The following GRIP1 variants were observed in gnomAD, a reference collection of about 807,000 sequenced individuals.
GRIP1 encodes the protein glutamate receptor-interacting protein 1.
In GRIP1, 45 loss-of-function variants were observed where a neutral mutation model predicts 129.9. The observed-to-expected ratio is 0.35, with a 90% CI of 0.27 to 0.44. The LOEUF (loss-of-function observed/expected upper bound fraction) is 0.44, where lower values mean the gene tolerates loss of function less well. Ranked by LOEUF, GRIP1 falls within the 20% of genes least tolerant of loss-of-function variation. The probability of loss-of-function intolerance (pLI) is 1.00; values close to 1 mark genes in which losing one functional copy is unlikely to be tolerated. For synonymous variants in GRIP1, 530 were observed against 520.8 expected (o/e 1.02, Z -0.24); for missense variants, 1,196 against 1,396.8 (o/e 0.86, Z 2.29).
chr12:66,572,187 C>A (rs1177192188), intron 2 of GRIP1, among the ~76,000 whole-genome samples: 1 of 152,166 alleles, frequency 6.6e-6, no homozygotes, highest in African/African-American at 2.4e-5. Flanking sequence ...GTGAATCAAA[C>A]AGGTAAAAAC....
At chr12:66,873,792 G>T (rs1044630090) in intron 1 of GRIP1, among the ~76,000 whole-genome samples, 3 of 151,952 alleles carry the variant, frequency 2.0e-5, no homozygotes, top group Non-Finnish European at 2.9e-5. Context: ...TTGATAAAAG[G>T]ATTTTTATCA....
intron 15 of GRIP1, among the ~76,000 whole-genome samples, chr12:66,414,534 G>C (rs2057516530): frequency 6.6e-6 from 1 of 152,026 alleles, no homozygotes; most frequent in African/African-American, 2.4e-5. Flanking sequence ...GTAATTTATA[G>C]ATTCAATACC....
In GRIP1 at chr12:66,612,847, T is replaced by C. The variant is rs547456535; in HGVS notation, c.56-15920A>G. ...GGACCCCTAGGGAATTTGATAAACA[T>C]TAATCGATCAAACAAAATTTTGTAG... On this transcript the variant is annotated intron_variant, in intron 1 of 24. Coordinates refer to ENST00000359742, the MANE Select transcript of GRIP1 (RefSeq NM_001366722.1). 5.3e-5 allele frequency among the ~76,000 whole-genome samples: 8 copies of C among 152,202 alleles called. No homozygotes were observed. In the East Asian group the frequency reaches 1.6e-3, roughly 29 times the overall value.
At chr12:66,462,021 C>T (rs1361983293) in intron 9 of GRIP1, among the ~76,000 whole-genome samples, 1 of 152,094 alleles carries the variant, frequency 6.6e-6, no homozygotes, top group Non-Finnish European at 1.5e-5. Flanking sequence ...GCTCAAAGAC[C>T]CCTTTCTCAT....
chr12:66,714,275 A>T (rs992680757), intron 1 of GRIP1, among the ~76,000 whole-genome samples: 1 of 152,074 alleles, frequency 6.6e-6, no homozygotes, highest in African/African-American at 2.4e-5. Flanking sequence ...GATATATTTG[A>T]AGTAAAAATT....
At chr12:66,592,056 A>G (rs902355173) in intron 2 of GRIP1, among the ~76,000 whole-genome samples, 7 of 152,224 alleles carry the variant, frequency 4.6e-5, no homozygotes, top group African/African-American at 1.7e-4. Flanking sequence ...TTCTGTAATA[A>G]TAAAAAATTA....
chr12:66,412,944 C>G (rs1159246000), intron 15 of GRIP1, among the ~76,000 whole-genome samples: 1 of 152,098 alleles, frequency 6.6e-6, no homozygotes, highest in Non-Finnish European at 1.5e-5. Context: ...TACAGGAGCA[C>G]CCAGATTCAT....
intron 1 of GRIP1, among the ~76,000 whole-genome samples, chr12:66,819,092 C>G (rs1436806981): frequency 6.6e-6 from 1 of 152,140 alleles, no homozygotes; most frequent in African/African-American, 2.4e-5. Context: ...TCCCAGTATT[C>G]CCAAATGGAC....
At chr12:67,064,459 G>A (rs1397324454) in intron 1 of GRIP1, among the ~76,000 whole-genome samples, 1 of 152,112 alleles carries the variant, frequency 6.6e-6, no homozygotes, top group African/African-American at 2.4e-5. Flanking sequence ...CATCTGACAG[G>A]GTGACGAATA....
intron 5 of GRIP1, among the ~76,000 whole-genome samples, chr12:66,528,997 A>G (rs369559324): frequency 2.0e-4 from 31 of 152,298 alleles, no homozygotes; most frequent in East Asian, 9.6e-4. Context: ...TGAATAGACA[A>G]TTCTCAAAAG....
At chr12:66,865,172 G>T (rs547355579) in intron 1 of GRIP1, among the ~76,000 whole-genome samples, 1 of 152,162 alleles carries the variant, frequency 6.6e-6, no homozygotes, top group African/African-American at 2.4e-5. Context: ...AAGGAAGCAC[G>T]GCAAGAAGAC....
chr12:66,375,814 T>C lies in GRIP1; in HGVS notation c.2778+1203A>G, dbSNP rs1190411391. ...TACATCATTTTCTTTTTGCCTAATG[T>C]AAAATAAGCTGTTAGAAAAACAACT... On this transcript the variant is annotated intron_variant, in intron 22 of 24. Coordinates refer to ENST00000359742, the MANE Select transcript of GRIP1 (RefSeq NM_001366722.1). Among the ~76,000 whole-genome samples the C allele has an allele frequency of 3.9e-5, 6 of 152,212 alleles. No homozygotes were observed. The East Asian group carries it at 1.2e-3, about 29-fold the overall frequency.
At chr12:66,352,781 G>A (rs1019730383) in intron 24 of GRIP1, among the ~76,000 whole-genome samples, 2 of 150,638 alleles carry the variant, frequency 1.3e-5, no homozygotes, top group African/African-American at 2.4e-5. Flanking sequence ...CAAAAGGTCC[G>A]TCATCAACCC....
intron 1 of GRIP1, among the ~76,000 whole-genome samples, chr12:67,031,253 A>G (rs1274742056): frequency 6.6e-6 from 1 of 152,162 alleles, no homozygotes; most frequent in East Asian, 1.9e-4. Context: ...ACACTTTCAG[A>G]TTCATCCTCT....
chr12:66,524,736 C>T (rs375289999), intron 5 of GRIP1, among the ~76,000 whole-genome samples: 16 of 152,150 alleles, frequency 1.1e-4, no homozygotes, highest in East Asian at 9.6e-4. Context: ...TTAATGAATC[C>T]AGGAGCTGGT....
chr12:67,036,765 T>G (rs527987638), intron 1 of GRIP1, among the ~76,000 whole-genome samples: 1 of 152,100 alleles, frequency 6.6e-6, no homozygotes, highest in South Asian at 2.1e-4. Flanking sequence ...AACCTACCCA[T>G]CCATGGCTTC....
chr12:66,963,150 C>A (rs1458507631), intron 1 of GRIP1, among the ~76,000 whole-genome samples: 3 of 151,400 alleles, frequency 2.0e-5, no homozygotes, highest in African/African-American at 7.3e-5. Flanking sequence ...CCTCCACAAA[C>A]AAACAAAAAA....
chr12:66,487,381 G>T lies in GRIP1; in HGVS notation c.725-21959C>A, dbSNP rs189490390. Among the ~76,000 whole-genome samples the T allele has an allele frequency of 1.1e-3, 166 of 152,232 alleles. 1 individual carries two copies. The highest frequency in any genetic ancestry group is 3.4e-4 in the Non-Finnish European group (23 of 68,026). ...AGAATTTCATATCTGGCCAAACTAG[G>T]CTTCATAAGCAAAGGAGAAATAAGG... On this transcript the variant is annotated intron_variant, in intron 7 of 24. Transcript: ENST00000359742.
intron 1 of GRIP1, among the ~76,000 whole-genome samples, chr12:66,943,339 G>A (rs1420819979): frequency 3.3e-5 from 5 of 152,312 alleles, no homozygotes; most frequent in Admixed American, 2.0e-4. Flanking sequence ...ATGCCCACTT[G>A]GGATGAGGAG....
Sources: allele counts gnomAD v4.1 joint callset (sites outside exome capture counted in the v4.1 genomes callset), GRCh38; gene constraint gnomAD v4.1.1; transcripts MANE v1.5; gene names NCBI Gene and HGNC (gene_info 2026-07-23, HGNC 2026-07-21).